The following MAP4K3 variants were observed in gnomAD, a reference collection of about 807,000 sequenced individuals.
The protein encoded by MAP4K3 is MAPK/ERK kinase kinase kinase 3.
MAP4K3 carries 94 observed loss-of-function variants against 143.5 expected under a neutral mutation model. The observed-to-expected ratio is 0.65, with a 90% CI of 0.55 to 0.78. MAP4K3 has a LOEUF of 0.78. Among genes scored for constraint, MAP4K3 ranks in the 30% least tolerant of loss-of-function variants. MAP4K3 has a pLI of 0.00. For missense variants in MAP4K3, 1,077 were observed against 1,068.1 expected, an observed-to-expected ratio of 1.01 and a Z score of -0.12; for synonymous variants, 416 against 347.2, an observed-to-expected ratio of 1.20 and a Z score of -2.20.
chr2:39,321,361 G>A (rs2148511056), intron 12 of MAP4K3, among the ~76,000 whole-genome samples: 1 of 152,318 alleles, frequency 6.6e-6, no homozygotes, highest in African/African-American at 2.4e-5. Context: ...GGTTGTGCAA[G>A]ATGTGCTTTG....
intron 3 of MAP4K3, among the ~76,000 whole-genome samples, chr2:39,355,917 C>T (rs1481517644): frequency 1.3e-5 from 2 of 152,170 alleles, no homozygotes; most frequent in Non-Finnish European, 2.9e-5. Context: ...GGAAGAGATG[C>T]TCCTGACTCT....
At chr2:39,264,696 C>T (rs1168965275) in intron 28 of MAP4K3, among the ~76,000 whole-genome samples, 1 of 152,114 alleles carries the variant, frequency 6.6e-6, no homozygotes, top group African/African-American at 2.4e-5. Context: ...ATGTAAGTTA[C>T]AGATGAGTAA....
chr2:39,345,517 C>T (rs10201599), intron 3 of MAP4K3, among the ~76,000 whole-genome samples: 1,648 of 152,124 alleles, frequency 0.011, 20 homozygotes, highest in Non-Finnish European at 0.016. Context: ...CTGACTTGAC[C>T]GTAGTGGACA....
chr2:39,341,716 G>A (rs972599733), intron 4 of MAP4K3, among the ~76,000 whole-genome samples: 1 of 150,516 alleles, frequency 6.6e-6, no homozygotes, highest in Non-Finnish European at 1.5e-5. Flanking sequence ...ATCAATAATA[G>A]AGAAATTCAC....
At chr2:39,384,137 C>T (rs555223966) in intron 1 of MAP4K3, among the ~76,000 whole-genome samples, 1 of 151,744 alleles carries the variant, frequency 6.6e-6, no homozygotes, top group East Asian at 1.9e-4. Flanking sequence ...AATTCAATGG[C>T]AGAGTTGAGT....
chr2:39,334,617 G>T (rs1336498412), intron 6 of MAP4K3, among the ~76,000 whole-genome samples: 4 of 152,076 alleles, frequency 2.6e-5, no homozygotes, highest in Admixed American at 6.6e-5. Flanking sequence ...TCTGTCAGAG[G>T]CTTCAGTTTG....
intron 1 of MAP4K3, among the ~76,000 whole-genome samples, chr2:39,411,005 T>A (rs919754386): frequency 2.0e-5 from 3 of 151,974 alleles, no homozygotes; most frequent in African/African-American, 7.3e-5. Flanking sequence ...CATTATGCCA[T>A]TTTTTTTACT....
chr2:39,378,846 A>G (rs1199225182), intron 1 of MAP4K3, among the ~76,000 whole-genome samples: 1 of 151,752 alleles, frequency 6.6e-6, no homozygotes, highest in East Asian at 1.9e-4. Flanking sequence ...GTATATAAGT[A>G]CACATAATTA....
chr2:39,274,590 G>A (rs1681171357), intron 24 of MAP4K3, among the ~76,000 whole-genome samples: 2 of 152,108 alleles, frequency 1.3e-5, no homozygotes, highest in South Asian at 4.1e-4. Context: ...TCTTCCTTTA[G>A]TGAGTTAGGT....
rs537321222 is a variant in MAP4K3 at position 39,406,374 on chromosome 2, A to G, written c.97-28251T>C. 4.6e-5 allele frequency among the ~76,000 whole-genome samples: 7 copies of G among 152,314 alleles called. 1 individual carries two copies. Among genetic ancestry groups the G allele is most frequent in the Admixed American group, 4.6e-4 (7 of 15,308 alleles). On this transcript the variant is annotated intron_variant, in intron 1 of 33. Coordinates refer to ENST00000263881, the MANE Select transcript of MAP4K3 (RefSeq NM_003618.4). ...TAGAGAAAGATATTAATATCCAAGTACAAGAAGGTTATAAAACACCAGCAG... is the reference window on the plus strand; with the variant it reads ...TAGAGAAAGATATTAATATCCAAGTGCAAGAAGGTTATAAAACACCAGCAG...
At position 39,285,877 on chromosome 2, in the gene MAP4K3, G is replaced by C. The variant is rs181857450; in HGVS notation, c.1587+975C>G. On this transcript the variant is annotated intron_variant, in intron 21 of 33. Coordinates refer to ENST00000263881, the MANE Select transcript of MAP4K3 (RefSeq NM_003618.4). Reference sequence around the variant, plus strand: ...TGATGATAGTTGAATGTCTTCCAGTGATTGTAAGTCAATTCTTTACAAATG... The same window carrying C: ...TGATGATAGTTGAATGTCTTCCAGTCATTGTAAGTCAATTCTTTACAAATG... Among the ~76,000 whole-genome samples, 257 of 152,290 alleles carry C rather than the reference G, an allele frequency of 1.7e-3. 1 individual carries two copies. Among genetic ancestry groups the C allele is most frequent in the Non-Finnish European group, 3.2e-3 (215 of 68,026 alleles).
chr2:39,391,988 C>A (rs11902188), intron 1 of MAP4K3, among the ~76,000 whole-genome samples: 9,547 of 151,914 alleles, frequency 0.063, 387 homozygotes, highest in Middle Eastern at 0.11. Flanking sequence ...GGAGACCATC[C>A]TGGCCAACAC....
chr2:39,300,425 G>A (rs1321062283), intron 15 of MAP4K3, among the ~76,000 whole-genome samples: 2 of 152,146 alleles, frequency 1.3e-5, no homozygotes, highest in East Asian at 3.8e-4. Context: ...AATGCTGTGG[G>A]TTATAGAGTG....
At chr2:39,321,300 C>T (rs989568116) in intron 12 of MAP4K3, among the ~76,000 whole-genome samples, 25 of 152,238 alleles carry the variant, frequency 1.6e-4, no homozygotes, top group African/African-American at 5.8e-4. Flanking sequence ...CCCCCAACCC[C>T]GTGCTCTCTG....
In MAP4K3 at chr2:39,436,925, G is replaced by A. The variant is rs766096915; in HGVS notation, c.63C>T (p.Arg21=). ...CGTCGCCGTAGGTGCCGCTGCCGAT[G>A]CGCTGAATCAGCTCGAAGTCCTCCT... ...NPQEDFELIQ[R]IGSGTYGDVY... The change falls in exon 1 of 34, where the codon CGC becomes CGT. Residue 21 remains arginine, a synonymous_variant. Coordinates refer to ENST00000263881, the MANE Select transcript of MAP4K3 (RefSeq NM_003618.4). 3 of 1,612,784 alleles carry A rather than the reference G, an allele frequency of 1.9e-6. No homozygotes were observed. Among genetic ancestry groups the A allele is most frequent in the Non-Finnish European group, 2.5e-6 (3 of 1,179,472 alleles).
intron 16 of MAP4K3, among the ~76,000 whole-genome samples, chr2:39,298,061 A>G (rs1021171751): frequency 6.6e-6 from 1 of 152,212 alleles, no homozygotes; most frequent in Non-Finnish European, 1.5e-5. Flanking sequence ...TGAATCAAAA[A>G]AGGTAAAAAA....
chr2:39,256,976 T>C (rs545373215), intron 31 of MAP4K3, among the ~76,000 whole-genome samples: 3 of 152,358 alleles, frequency 2.0e-5, no homozygotes, highest in Non-Finnish European at 4.4e-5. Context: ...ACCCTGGCTA[T>C]GTCTTTGAAA....
intron 26 of MAP4K3, among the ~76,000 whole-genome samples, chr2:39,270,855 G>T (rs1028617122): frequency 6.6e-6 from 1 of 151,880 alleles, no homozygotes; most frequent in Admixed American, 6.6e-5. Flanking sequence ...ATGCTAAAAG[G>T]GTTTTTAGGT....
At chr2:39,398,195 T>G (rs185561474) in intron 1 of MAP4K3, among the ~76,000 whole-genome samples, 3 of 152,210 alleles carry the variant, frequency 2.0e-5, no homozygotes, top group Non-Finnish European at 4.4e-5. Flanking sequence ...TTAATCAGTA[T>G]GAAATTGCCT....
Sources: allele counts gnomAD v4.1 joint callset (sites outside exome capture counted in the v4.1 genomes callset), GRCh38; gene constraint gnomAD v4.1.1; transcripts MANE v1.5; gene names NCBI Gene and HGNC (gene_info 2026-07-23, HGNC 2026-07-21).